IQCM: variants seen among roughly 807,000 people sequenced by gnomAD.
IQCM encodes the protein IQ domain-containing protein M.
In IQCM, 45 loss-of-function variants were observed where a neutral mutation model predicts 57.6. The observed-to-expected ratio is 0.78, with a 90% CI of 0.62 to 1.00. IQCM has a LOEUF of 1.00. Among genes scored for constraint, IQCM ranks in the 50% least tolerant of loss-of-function variants. The pLI, the probability that IQCM is intolerant of heterozygous loss-of-function variation, is 0.00. For synonymous variants in IQCM, 148 were observed against 158.9 expected (o/e 0.93, Z 0.51); for missense variants, 468 against 511.6 (o/e 0.91, Z 0.82).
intron 13 of IQCM, among the ~76,000 whole-genome samples, chr4:149,368,915 T>C (rs746821753): frequency 3.1e-5 from 2 of 64,126 alleles, no homozygotes; most frequent in African/African-American, 1.1e-4. Flanking sequence ...TGTATATATA[T>C]GTGTATATAT....
chr4:149,800,042 A>G (rs1176300382), intron 2 of IQCM, among the ~76,000 whole-genome samples: 1 of 151,798 alleles, frequency 6.6e-6, no homozygotes, highest in Non-Finnish European at 1.5e-5. Context: ...AAAGATACCA[A>G]AAAAGGAAAA....
At chr4:149,750,911 G>C (rs1223220165) in intron 2 of IQCM, among the ~76,000 whole-genome samples, 1 of 152,144 alleles carries the variant, frequency 6.6e-6, no homozygotes, top group Non-Finnish European at 1.5e-5. Flanking sequence ...TGATGTTAAA[G>C]AGCAAAATCT....
rs990115623 is a variant in IQCM, at chr4:149,804,389, T to A, written c.-49+10922A>T. ...TCAGTCTTCAGTAGTCAATTACCCT[T>A]TAAGTGTCCCTTCCAGGTTCTAGCA... On this transcript the variant is annotated intron_variant, in intron 2 of 13. Coordinates refer to ENST00000636793, the MANE Select transcript of IQCM (RefSeq NM_001363507.2). Among the ~76,000 whole-genome samples the A allele has an allele frequency of 1.4e-4, 21 of 152,108 alleles. 1 individual carries two copies. The Middle Eastern group carries it at 0.017, about 123-fold the overall frequency.
intron 12 of IQCM, among the ~76,000 whole-genome samples, chr4:149,469,800 G>A (rs1739303903): frequency 6.6e-6 from 1 of 152,242 alleles, no homozygotes; most frequent in South Asian, 2.1e-4. Context: ...CAAGCGAGAA[G>A]AGAGTGGAGA....
intron 7 of IQCM, among the ~76,000 whole-genome samples, chr4:149,643,825 C>G (rs945272877): frequency 6.6e-6 from 1 of 152,170 alleles, no homozygotes; most frequent in Non-Finnish European, 1.5e-5. Context: ...TAAATCTCTC[C>G]AGTGGGTTAC....
chr4:149,785,427 G>C (rs1464849471), intron 2 of IQCM, among the ~76,000 whole-genome samples: 1 of 152,106 alleles, frequency 6.6e-6, no homozygotes, highest in African/African-American at 2.4e-5. Flanking sequence ...ATAACGGTTG[G>C]TAGGCATTCC....
chr4:149,481,577 T>G (rs543399367), intron 12 of IQCM, among the ~76,000 whole-genome samples: 2 of 152,026 alleles, frequency 1.3e-5, no homozygotes, highest in Non-Finnish European at 2.9e-5. Flanking sequence ...TGTGGATTTC[T>G]TTCTGAGTTT....
intron 12 of IQCM, among the ~76,000 whole-genome samples, chr4:149,434,596 G>A (rs1477076618): frequency 1.3e-5 from 2 of 152,008 alleles, no homozygotes; most frequent in African/African-American, 2.4e-5. Context: ...GTGAATATAA[G>A]GCCATATGAC....
chr4:149,620,505 G>A (rs575755704), intron 8 of IQCM, among the ~76,000 whole-genome samples: 14 of 152,294 alleles, frequency 9.2e-5, no homozygotes, highest in African/African-American at 2.6e-4. Context: ...CAGACACTGC[G>A]AAACACAATG....
intron 12 of IQCM, among the ~76,000 whole-genome samples, chr4:149,500,554 C>T (rs988100485): frequency 6.6e-6 from 1 of 152,078 alleles, no homozygotes; most frequent in African/African-American, 2.4e-5. Flanking sequence ...GCCATACAAA[C>T]TTGAAAAGGT....
intron 13 of IQCM, among the ~76,000 whole-genome samples, chr4:149,417,976 G>A (rs1578992189): frequency 1.3e-5 from 2 of 151,656 alleles, no homozygotes; most frequent in East Asian, 3.9e-4. Flanking sequence ...TGTTAAGGGG[G>A]AAATTTATAG....
chr4:149,589,332 G>A (rs1245522935), intron 8 of IQCM, among the ~76,000 whole-genome samples: 1 of 151,930 alleles, frequency 6.6e-6, no homozygotes, highest in East Asian at 1.9e-4. Flanking sequence ...GATACCACAA[G>A]GAAAGTGATT....
chr4:149,680,563 T>A (rs1202318950), intron 7 of IQCM, among the ~76,000 whole-genome samples: 1 of 151,476 alleles, frequency 6.6e-6, no homozygotes, highest in Non-Finnish European at 1.5e-5. Flanking sequence ...TTAATTTACA[T>A]TTGTTCATTC....
chr4:149,718,820 C>T, intron 5 of IQCM, among the ~76,000 whole-genome samples: 1 of 152,136 alleles, frequency 6.6e-6, no homozygotes, highest in East Asian at 1.9e-4. Flanking sequence ...TGTAATCTCC[C>T]TTTGCCTCTC....
chr4:149,806,000 A>T lies in IQCM; in HGVS notation c.-49+9311T>A, dbSNP rs187562220. Among the ~76,000 whole-genome samples the T allele has an allele frequency of 7.9e-5, 12 of 152,066 alleles. No homozygotes were observed. In the East Asian group the frequency reaches 2.3e-3, roughly 29 times the overall value. On this transcript the variant is annotated intron_variant, in intron 2 of 13. Coordinates refer to ENST00000636793, the MANE Select transcript of IQCM (RefSeq NM_001363507.2). ...TTGCTAAATTAATAAAGCTTGGAGAAATATAATTGGAGTTGGTTTTGGTAC... is the reference window on the plus strand; with the variant it reads ...TTGCTAAATTAATAAAGCTTGGAGATATATAATTGGAGTTGGTTTTGGTAC...
At chr4:149,490,538 A>C (rs1741986024) in intron 12 of IQCM, among the ~76,000 whole-genome samples, 1 of 152,122 alleles carries the variant, frequency 6.6e-6, no homozygotes, top group African/African-American at 2.4e-5. Flanking sequence ...AAAATGTTTT[A>C]GAATCATATT....
chr4:149,432,582 A>G (rs1355545533), intron 13 of IQCM, among the ~76,000 whole-genome samples: 1 of 151,998 alleles, frequency 6.6e-6, no homozygotes, highest in Non-Finnish European at 1.5e-5. Flanking sequence ...CCAGGCCAAC[A>G]CTTATTGGAT....
rs868421506 is a variant in IQCM, at chr4:149,613,824, G to C, written c.681+7305C>G. Among the ~76,000 whole-genome samples, 18 of 152,088 alleles carry C rather than the reference G, an allele frequency of 1.2e-4. No individual in the cohort carries two copies. In the South Asian group the frequency reaches 3.7e-3, roughly 32 times the overall value. ...TATGAGTGAGAACATGCGGTGTTTG[G>C]TTTTTTGTCCTTGCAATAGTTTGCT... On this transcript the variant is annotated intron_variant, in intron 8 of 13. Coordinates refer to ENST00000636793, the MANE Select transcript of IQCM (RefSeq NM_001363507.2).
At chr4:149,386,713 C>G (rs1366183812) in intron 13 of IQCM, among the ~76,000 whole-genome samples, 1 of 151,884 alleles carries the variant, frequency 6.6e-6, no homozygotes, top group Non-Finnish European at 1.5e-5. Context: ...CTGAACTATT[C>G]CTTTGTCAGG....
Sources: gnomAD v4.1 joint callset for allele counts (sites outside exome capture counted in the v4.1 genomes callset) on GRCh38, gnomAD v4.1.1 for gene constraint, MANE v1.5 for transcripts, NCBI Gene and HGNC (gene_info 2026-07-23, HGNC 2026-07-21) for gene names.